Variants in MTMR11 observed in about 807,000 individuals in gnomAD.
MTMR11 encodes myotubularin related protein 11, also known as myotubularin-related protein 11.
Under a neutral mutation model 100.0 loss-of-function variants are expected in MTMR11, and 89 were observed. The ratio of observed to expected loss-of-function variants is 0.89; its 90% CI spans 0.75 to 1.06. MTMR11 has a LOEUF of 1.06. Ranked by LOEUF, MTMR11 falls within the 50% of genes least tolerant of loss-of-function variation. The pLI, the probability that MTMR11 is intolerant of heterozygous loss-of-function variation, is 0.00. For missense variants in MTMR11, 809 were observed against 873.7 expected (o/e 0.93, Z 0.93); for synonymous variants, 336 against 326.3 (o/e 1.03, Z -0.32).
At chr1:149,936,400 G>C (rs1245915719) in intron 1 of MTMR11, 171 bp from the exon 2 acceptor site, 3 of 1,457,730 alleles carry the variant, frequency 2.1e-6, no homozygotes, top group Non-Finnish European at 1.8e-6. Flanking sequence ...GGAGGGGCTG[G>C]TTAATGGATA....
chr1:149,929,791 C>A lies in MTMR11; in HGVS notation c.1773G>T (p.Trp591Cys). ...SPSLLAVSSRWLPRPAISSES... is the reference protein window; with the variant it reads ...SPSLLAVSSRCLPRPAISSES... The stretch of plus-strand genomic sequence containing the variant: ...CAGAGGAGATAGCAGGTCGAGGGAG[C>A]CAACGAGAAGAGACTGCCAGCAGGG... The change falls in exon 16 of 17, where the codon TGG becomes TGT. Residue 591 changes from tryptophan to cysteine, a missense_variant. Coordinates refer to ENST00000439741, the MANE Select transcript of MTMR11 (RefSeq NM_001145862.2). 1 of 1,614,148 alleles carries A rather than the reference C, an allele frequency of 6.2e-7. No homozygotes were observed. The highest frequency in any genetic ancestry group is 8.5e-7 in the Non-Finnish European group (1 of 1,180,026).
Position 149,934,457 on chromosome 1 carries a change from T to C in MTMR11, c.538A>G (p.Ser180Gly). 9.3e-6 allele frequency: 15 copies of C among 1,614,238 alleles called. No homozygotes were observed. Among genetic ancestry groups the C allele is most frequent in the Non-Finnish European group, 1.3e-5 (15 of 1,180,036 alleles). ...AAGCACTCTCACTCACCAGCCTTGC[T>C]CAGGGTTATCCCCGAATACTGTTGG... ...QAQQYSGITLSKAGQGSGSRK... is the reference protein window; with the variant it reads ...QAQQYSGITLGKAGQGSGSRK... The change falls in exon 6 of 17, where the codon AGC (serine) becomes GGC (glycine). Residue 180 changes from serine (S) to glycine (G), a missense_variant. By Grantham distance (56) the Ser-to-Gly change is moderately conservative. Coordinates refer to ENST00000439741, the MANE Select transcript of MTMR11 (RefSeq NM_001145862.2).
At position 149,929,683 on chromosome 1, in the gene MTMR11, A is replaced by G; in HGVS notation, c.1881T>C (p.Tyr627=). 6.2e-7 allele frequency: 1 copy of G among 1,614,028 alleles called. No individual in the cohort carries two copies. Among genetic ancestry groups the G allele is most frequent in the South Asian group, 1.1e-5 (1 of 91,062 alleles). The stretch of plus-strand genomic sequence containing the variant: ...TCCAGAGCCTGATCTGGGGTCCCAG[A>G]TACCCAGGCAGCAGCAGCCCTGGAG... ...PLPPGLLLPG[Y]LGPQIRLWRR... Residue 627 remains tyrosine (Y), a synonymous_variant, in exon 16 of 17, where the codon TAT becomes TAC. Transcript: ENST00000439741.
Position 149,936,735 on chromosome 1 carries a change from G to C in MTMR11, c.-88C>G. 1.2e-6 allele frequency: 1 copy of C among 869,384 alleles called. No individual in the cohort carries two copies. Among genetic ancestry groups the C allele is most frequent in the South Asian group, 1.4e-5 (1 of 70,016 alleles). 53.9% of individuals were successfully genotyped at this position (869,384 alleles called of 1,614,324 possible). A position where few individuals can be genotyped will look rare whatever the true frequency, so the allele number is the denominator to read the frequency against. ...CCTCGGGGAGAGGCTGAGTCTTGTT[G>C]AGAAGAGGGGTGTTAGGGAGAGGGG... On this transcript the variant is annotated 5_prime_UTR_variant, in exon 1 of 17. An upstream open reading frame in the 5' UTR gains an earlier in-frame stop. Coordinates refer to ENST00000439741, the MANE Select transcript of MTMR11 (RefSeq NM_001145862.2).
chr1:149,929,918 T>C lies in MTMR11; in HGVS notation c.1648-2A>G, dbSNP rs1553767088. The C allele has an allele frequency of 3.1e-6, 5 of 1,603,370 alleles. No individual in the cohort carries two copies. The highest frequency in any genetic ancestry group is 4.3e-6 in the Non-Finnish European group (5 of 1,174,052). On this transcript the variant is annotated splice_acceptor_variant, in intron 15 of 16. Transcript: ENST00000439741. LOFTEE classifies it high-confidence loss of function. ...GGGTCCAGGAACCATGAAGCTTGGCTAAAAGGAAAAGAAAATCAACTGGCA... is the reference window on the plus strand; with the variant it reads ...GGGTCCAGGAACCATGAAGCTTGGCCAAAAGGAAAAGAAAATCAACTGGCA...
At chr1:149,930,124 G>A (rs2092639359) in intron 15 of MTMR11, 2 of 681,028 alleles carry the variant, frequency 2.9e-6, no homozygotes, top group Admixed American at 3.0e-5. Flanking sequence ...GGCACCTTAT[G>A]TGTGCACGAG....
Position 149,934,230 on chromosome 1 carries a change from C to A in MTMR11, c.644G>T (p.Arg215Met), listed in dbSNP as rs781828695. ...GAACCTCTCGTTGACCGTGCTGACC[C>A]TCCAGCCTCTGGCTGCCTGCTTCTT... ...ERKKQAARGWRVSTVNERFDV... is the reference protein window; with the variant it reads ...ERKKQAARGWMVSTVNERFDV... Residue 215 changes from arginine (R) to methionine (M), a missense_variant, in exon 7 of 17, where the codon AGG becomes ATG. Arg to Met is a moderately conservative substitution (Grantham distance 91, BLOSUM62 -1). Coordinates refer to ENST00000439741, the MANE Select transcript of MTMR11 (RefSeq NM_001145862.2). 1 of 1,614,188 alleles carries A rather than the reference C, an allele frequency of 6.2e-7. No homozygotes were observed. The highest frequency in any genetic ancestry group is 2.2e-5 in the East Asian group (1 of 44,886).
At chr1:149,936,484 T>C in intron 1 of MTMR11, 98 bp downstream of exon 1, 2 of 1,107,942 alleles carry the variant, frequency 1.8e-6, no homozygotes, top group Non-Finnish European at 2.6e-6. Flanking sequence ...AGACACACCC[T>C]CCTCCTCCTC....
At chr1:149,936,317 C>G in intron 1 of MTMR11, 88 bp from the exon 2 acceptor site, 2 of 1,570,506 alleles carry the variant, frequency 1.3e-6, no homozygotes, top group Non-Finnish European at 1.7e-6. Context: ...GGCCTACACT[C>G]ACACTCTCGG....
intron 10 of MTMR11, among the ~76,000 whole-genome samples, chr1:149,933,115 T>G (rs902114854): frequency 1.3e-5 from 2 of 151,336 alleles, no homozygotes; most frequent in African/African-American, 4.9e-5. Flanking sequence ...CCCAGCTAAT[T>G]TTGTGTGTGT....
At chr1:149,935,493 A>G in intron 3 of MTMR11, 91 bp downstream of exon 3, 1 of 1,579,746 alleles carries the variant, frequency 6.3e-7, no homozygotes. Context: ...TTCAAAAGAC[A>G]GCCCTTAACC....
chr1:149,936,059 G>T, intron 2 of MTMR11, 95 bp downstream of exon 2: 1 of 1,353,786 alleles, frequency 7.4e-7, no homozygotes, highest in Non-Finnish European at 1.1e-6. Context: ...TTCGAGCCAC[G>T]AGAGGAACAC....
chr1:149,929,848 C>T lies in MTMR11; in HGVS notation c.1716G>A (p.Leu572=), dbSNP rs144874414. ...TGTCCCGCCAAGGACAGAGCTGATT[C>T]AGGGGGGTCAATGCTCCTCTAGAGA... ...WLFSRGALTP[L]NQLCPWRDSP... is the part of the protein sequence containing the mutation. The change falls in exon 16 of 17, where the codon CTG becomes CTA. Residue 572 remains leucine (L), a synonymous_variant. Transcript: ENST00000439741. 138 of 1,614,164 alleles carry T rather than the reference C, an allele frequency of 8.5e-5. No homozygotes were observed. The African/African-American group carries it at 1.7e-3, about 20-fold the overall frequency.
In MTMR11 at chr1:149,935,714, G is replaced by T. The variant is rs782323719; in HGVS notation, c.143-9C>A. On this transcript the variant is annotated splice_polypyrimidine_tract_variant and intron_variant, in intron 2 of 16. Coordinates refer to ENST00000439741, the MANE Select transcript of MTMR11 (RefSeq NM_001145862.2). ...TGCTAGGATCTGCTCCCCTAAAGGGGAAGAAGGGAAGCCCTGTTATGACTG... is the reference window on the plus strand; with the variant it reads ...TGCTAGGATCTGCTCCCCTAAAGGGTAAGAAGGGAAGCCCTGTTATGACTG... The T allele has an allele frequency of 4.4e-6, 7 of 1,583,730 alleles. No homozygotes were observed. The highest frequency in any genetic ancestry group is 1.4e-5 in the African/African-American group (1 of 73,866).
rs1208500623 is a variant in MTMR11 at position 149,936,765 on chromosome 1, G to A, written c.-118C>T. On this transcript the variant is annotated 5_prime_UTR_variant, in exon 1 of 17. Transcript: ENST00000439741. ...GAGGGGTGTTAGGGAGAGGGGTAGG[G>A]GGTTGGACACAAGGGAAAGGAGCAT... 9.8e-6 allele frequency: 7 copies of A among 717,196 alleles called. No individual in the cohort carries two copies. The African/African-American group carries it at 1.3e-4, about 13-fold the overall frequency. 44.4% of individuals were successfully genotyped at this position (717,196 alleles called of 1,614,324 possible).
At chr1:149,930,708 T>G in intron 14 of MTMR11, 84 bp downstream of exon 14, 1 of 1,442,176 alleles carries the variant, frequency 6.9e-7, no homozygotes, top group Non-Finnish European at 9.3e-7. Context: ...AGACCTCACT[T>G]CTCATAAAAC....
chr1:149,933,297 C>A, intron 10 of MTMR11, 109 bp downstream of exon 10: 1 of 1,406,786 alleles, frequency 7.1e-7, no homozygotes, highest in Non-Finnish European at 9.7e-7. Flanking sequence ...AGAAAACGGG[C>A]TCATTGGACT....
Position 149,931,273 on chromosome 1 carries a change from C to A in MTMR11, c.1277G>T (p.Gly426Val). The A allele has an allele frequency of 6.2e-7, 1 of 1,614,098 alleles. No individual in the cohort carries two copies. Among genetic ancestry groups the A allele is most frequent in the South Asian group, 1.1e-5 (1 of 91,072 alleles). ...AATCATTCTCACCTCTTCACTGGCCCCAGTTCCCCCAAGCCGAGTCAGGAA... is the reference window on the plus strand; with the variant it reads ...AATCATTCTCACCTCTTCACTGGCCACAGTTCCCCCAAGCCGAGTCAGGAA... Reference protein sequence around the residue: ...HPFLTRLGGTGASEEAPVFLL... With the variant: ...HPFLTRLGGTVASEEAPVFLL... Residue 426 changes from glycine to valine, a missense_variant, in exon 13 of 17, where the codon GGG becomes GTG. Transcript: ENST00000439741.
chr1:149,929,752 G>C lies in MTMR11; in HGVS notation c.1812C>G (p.Asp604Glu), dbSNP rs782105898. 1.2e-6 allele frequency: 2 copies of C among 1,614,158 alleles called. No individual in the cohort carries two copies. Among genetic ancestry groups the C allele is most frequent in the Non-Finnish European group, 1.7e-6 (2 of 1,180,022 alleles). ...AATGTGAGGGGAGACCCCATTCCTG[G>C]TCAGCCAGGCTTTCAGAGGAGATAG... is the stretch of plus-strand genomic sequence containing the variant. The part of the protein sequence containing the change: ...RPAISSESLA[D>E]QEWGLPSHWG... The change falls in exon 16 of 17, where the codon GAC becomes GAG. Residue 604 changes from aspartate (D) to glutamate (E), a missense_variant. Asp to Glu is a conservative substitution (Grantham distance 45). Transcript: ENST00000439741.
Sources: gnomAD v4.1 joint callset for allele counts (sites outside exome capture counted in the v4.1 genomes callset) on GRCh38, gnomAD v4.1.1 for gene constraint, MANE v1.5 for transcripts, NCBI Gene and HGNC (gene_info 2026-07-23, HGNC 2026-07-21) for gene names.